The following NEGR1 variants were observed in gnomAD, a reference collection of about 807,000 sequenced individuals.
NEGR1 encodes the protein neuronal growth regulator 1.
A neutral mutation model predicts 40.9 loss-of-function variants in NEGR1; 10 were observed. The observed-to-expected ratio is 0.24, with a 90% CI of 0.15 to 0.42. The LOEUF (loss-of-function observed/expected upper bound fraction) is 0.42, where lower values mean the gene tolerates loss of function less well. Ranked by LOEUF, NEGR1 falls within the 10% of genes least tolerant of loss-of-function variation. The pLI is 1.00. For missense variants in NEGR1, 352 were observed against 438.9 expected (o/e 0.80, Z 1.77); for synonymous variants, 185 against 166.8 (o/e 1.11, Z -0.84).
At chr1:71,503,495 G>A (rs1227524748) in intron 6 of NEGR1, among the ~76,000 whole-genome samples, 1 of 152,098 alleles carries the variant, frequency 6.6e-6, no homozygotes, top group Non-Finnish European at 1.5e-5. Context: ...GGAGACCATG[G>A]GGGAGCTGAA....
chr1:71,431,346 T>C (rs1646467145), intron 6 of NEGR1, among the ~76,000 whole-genome samples: 1 of 152,084 alleles, frequency 6.6e-6, no homozygotes, highest in East Asian at 1.9e-4. Context: ...TGTACAATAA[T>C]GGAAGAAGAA....
chr1:71,728,405 C>T (rs1156815477), intron 3 of NEGR1, among the ~76,000 whole-genome samples: 1 of 152,110 alleles, frequency 6.6e-6, no homozygotes, highest in Non-Finnish European at 1.5e-5. Flanking sequence ...AAAACTACTG[C>T]TGAGGTTTAT....
intron 1 of NEGR1, among the ~76,000 whole-genome samples, chr1:72,182,778 G>GTATATATA (rs10546486): frequency 2.0e-5 from 3 of 146,882 alleles, no homozygotes; most frequent in African/African-American, 7.4e-5. Flanking sequence ...GTGTGCGTGT[G>GTATATATA]TATATATATA....
In NEGR1 at chr1:72,282,466, G is replaced by A. The variant is rs375602055; in HGVS notation, c.29C>T (p.Ala10Val). The A allele has an allele frequency of 9.3e-5, 150 of 1,613,254 alleles. No homozygotes were observed. The highest frequency in any genetic ancestry group is 1.3e-4 in the Non-Finnish European group (148 of 1,179,964). The part of the protein sequence containing the change: MDMMLLVQG[A>V]CCSNQWLAAV... ...CGCCAGCCACTGGTTCGAGCAACAA[G>A]CACCCTGCACCAACAGCATCATGTC... is the stretch of plus-strand genomic sequence containing the variant. Residue 10 changes from alanine (A) to valine (V), a missense_variant, in exon 1 of 7, where the codon GCT becomes GTT. By Grantham distance (64) the Ala-to-Val change is moderately conservative. Around this residue, in one of 5 missense-constraint regions of NEGR1, gnomAD observed 81 missense variants for 85.8 expected, o/e 0.94. Coordinates refer to ENST00000357731, the MANE Select transcript of NEGR1 (RefSeq NM_173808.3).
intron 1 of NEGR1, among the ~76,000 whole-genome samples, chr1:72,012,895 C>G (rs1646671952): frequency 7.2e-6 from 1 of 137,988 alleles, no homozygotes; most frequent in Admixed American, 7.3e-5. Flanking sequence ...TTTTGTAGAG[C>G]AAGATACTAG....
At chr1:72,258,424 T>A (rs1161420437) in intron 1 of NEGR1, among the ~76,000 whole-genome samples, 1 of 152,160 alleles carries the variant, frequency 6.6e-6, no homozygotes, top group Non-Finnish European at 1.5e-5. Context: ...GGGCATTGTT[T>A]CATTAAGGTT....
intron 1 of NEGR1, among the ~76,000 whole-genome samples, chr1:71,993,928 C>T (rs1423453746): frequency 1.3e-5 from 2 of 152,038 alleles, no homozygotes; most frequent in Admixed American, 6.5e-5. Flanking sequence ...TAGGCATGTC[C>T]AACCAGGGCC....
chr1:72,189,047 A>G (rs2298152), intron 1 of NEGR1, among the ~76,000 whole-genome samples: 31,320 of 151,370 alleles, frequency 0.21, 3,768 homozygotes, highest in South Asian at 0.28. Flanking sequence ...TTGCACATTC[A>G]CTTTCAATAG....
At chr1:71,532,290 A>G (rs1480976865) in intron 6 of NEGR1, among the ~76,000 whole-genome samples, 1 of 151,560 alleles carries the variant, frequency 6.6e-6, no homozygotes, top group Non-Finnish European at 1.5e-5. Flanking sequence ...CTTAACAGCA[A>G]TGGCCTATCT....
chr1:72,047,399 C>T (rs568729480), intron 1 of NEGR1, among the ~76,000 whole-genome samples: 4 of 151,444 alleles, frequency 2.6e-5, no homozygotes, highest in East Asian at 1.9e-4. Context: ...CTATGCTAGA[C>T]GATCCTATTT....
At position 71,998,761 on chromosome 1, in the gene NEGR1, G is replaced by A. The variant is rs567207357; in HGVS notation, c.177-63450C>T. 2.6e-5 allele frequency among the ~76,000 whole-genome samples: 4 copies of A among 151,092 alleles called. No homozygotes were observed. In the South Asian group the frequency reaches 8.3e-4, roughly 31 times the overall value. On this transcript the variant is annotated intron_variant, in intron 1 of 6. Transcript: ENST00000357731. The stretch of plus-strand genomic sequence containing the variant: ...TATACATAAGTATATAGTAAATAGT[G>A]TAATCTCAACTATATATTGGATGTA...
rs868394662 is a variant in NEGR1 at position 71,403,490 on chromosome 1, T to C, written c.*3956A>G. On this transcript the variant is annotated 3_prime_UTR_variant, in exon 7 of 7. Coordinates refer to ENST00000357731, the MANE Select transcript of NEGR1 (RefSeq NM_173808.3). ...TAATAATAAAATGTTTCCAGAAAAT[T>C]TATTTTTAGTTTAGATGTAGTTCAG... The C allele has an allele frequency of 6.2e-6, 1 of 161,260 alleles. No individual in the cohort carries two copies. Among genetic ancestry groups the C allele is most frequent in the Admixed American group, 6.4e-5 (1 of 15,526 alleles). 10.0% of individuals were successfully genotyped at this position (161,260 alleles called of 1,614,324 possible). A position where few individuals can be genotyped will look rare whatever the true frequency, so the allele number is the denominator to read the frequency against.
chr1:72,094,221 G>A (rs934243815), intron 1 of NEGR1, among the ~76,000 whole-genome samples: 2 of 152,034 alleles, frequency 1.3e-5, no homozygotes, highest in Admixed American at 1.3e-4. Flanking sequence ...TTAGAAAAGG[G>A]TTATAAAGAA....
chr1:71,753,871 T>G lies in NEGR1; in HGVS notation c.535+22301A>C. ...GAAGAACACCTGGGAAGAGAAATGCTGACTTTTTCGAAGACTGCACCTCCT... is the reference window on the plus strand; with the variant it reads ...GAAGAACACCTGGGAAGAGAAATGCGGACTTTTTCGAAGACTGCACCTCCT... On this transcript the variant is annotated intron_variant, in intron 3 of 6. Transcript: ENST00000357731. Among the ~76,000 whole-genome samples the G allele has an allele frequency of 1.3e-5, 2 of 151,914 alleles. 1 individual carries two copies.
At chr1:72,263,344 A>C (rs1655525420) in intron 1 of NEGR1, among the ~76,000 whole-genome samples, 4 of 151,618 alleles carry the variant, frequency 2.6e-5, no homozygotes, top group African/African-American at 7.3e-5. Context: ...AGATTTTTTT[A>C]AAAGAGTGCT....
chr1:72,131,602 T>G (rs985203834), intron 1 of NEGR1, among the ~76,000 whole-genome samples: 4 of 152,172 alleles, frequency 2.6e-5, no homozygotes, highest in Non-Finnish European at 5.9e-5. Flanking sequence ...CAAGATAATT[T>G]TCAGTAGTCT....
chr1:72,075,286 TTC>T (rs1433745456), intron 1 of NEGR1, among the ~76,000 whole-genome samples: 2 of 152,152 alleles, frequency 1.3e-5, no homozygotes, highest in East Asian at 1.9e-4. Flanking sequence ...AGGTGGCTTT[TTC>T]TCTGTTTTAT....
At chr1:71,846,163 C>T (rs1210108241) in intron 2 of NEGR1, among the ~76,000 whole-genome samples, 1 of 152,010 alleles carries the variant, frequency 6.6e-6, no homozygotes, top group Non-Finnish European at 1.5e-5. Context: ...CTTCCTTACT[C>T]TAGGGCTGTC....
chr1:72,041,952 AATATATATT>A, intron 1 of NEGR1, among the ~76,000 whole-genome samples: 1 of 143,622 alleles, frequency 7.0e-6, no homozygotes, highest in South Asian at 2.1e-4. Context: ...GAGAGTCTCA[AATATATATT>A]ATATATAAAT....
Sources: allele counts gnomAD v4.1 joint callset (sites outside exome capture counted in the v4.1 genomes callset), GRCh38; gene constraint gnomAD v4.1.1; regional missense constraint gnomAD v4.1.1; transcripts MANE v1.5; gene names NCBI Gene and HGNC (gene_info 2026-07-23, HGNC 2026-07-21).